The following CCDC102B variants were observed in gnomAD, a reference collection of about 807,000 sequenced individuals.
CCDC102B encodes coiled-coil domain-containing protein 102B.
In CCDC102B, 75 loss-of-function variants were observed where a neutral mutation model predicts 57.4. The ratio of observed to expected loss-of-function variants is 1.31; its 90% confidence interval spans 1.08 to 1.58. The LOEUF (loss-of-function observed/expected upper bound fraction) is 1.58, where lower values mean the gene tolerates loss of function less well. Ranked by LOEUF, CCDC102B falls within the 40% of genes most tolerant of loss-of-function variation. CCDC102B has a pLI of 0.00. For missense variants in CCDC102B, 636 were observed against 582.6 expected, an observed-to-expected ratio of 1.09 and a Z score of -0.94; for synonymous variants, 206 against 201.9, an observed-to-expected ratio of 1.02 and a Z score of -0.17.
At chr18:68,967,396 T>A (rs2050191360) in intron 6 of CCDC102B, among the ~76,000 whole-genome samples, 1 of 152,166 alleles carries the variant, frequency 6.6e-6, no homozygotes, top group Admixed American at 6.5e-5. Flanking sequence ...TTTTAAATAA[T>A]ATGTTTCAAG....
At chr18:68,880,073 C>T (rs1482619514) in intron 5 of CCDC102B, among the ~76,000 whole-genome samples, 1 of 152,146 alleles carries the variant, frequency 6.6e-6, no homozygotes, top group Non-Finnish European at 1.5e-5. Context: ...AGGCTTGGGC[C>T]CCACGGGAGC....
chr18:68,734,089 A>G (rs1195586871), intron 2 of CCDC102B, among the ~76,000 whole-genome samples: 1 of 152,266 alleles, frequency 6.6e-6, no homozygotes. Context: ...AGCTTCTAGA[A>G]TAATATCTTT....
At chr18:68,862,322 C>T (rs1032040063) in intron 4 of CCDC102B, among the ~76,000 whole-genome samples, 1 of 152,054 alleles carries the variant, frequency 6.6e-6, no homozygotes, top group Non-Finnish European at 1.5e-5. Context: ...CAAAAATCAG[C>T]CATCAGCTAA....
intron 1 of CCDC102B, among the ~76,000 whole-genome samples, chr18:68,832,697 A>T (rs930860568): frequency 1.3e-5 from 2 of 152,026 alleles, no homozygotes; most frequent in Non-Finnish European, 2.9e-5. Flanking sequence ...GGGATCTAGA[A>T]TTCTCAGATC....
intron 2 of CCDC102B, among the ~76,000 whole-genome samples, chr18:68,717,299 T>A (rs2032080364): frequency 6.6e-6 from 1 of 152,190 alleles, no homozygotes; most frequent in African/African-American, 2.4e-5. Flanking sequence ...TGTAATGAGA[T>A]GTACTATAAA....
intron 2 of CCDC102B, among the ~76,000 whole-genome samples, chr18:68,757,839 A>T (rs1245799311): frequency 6.6e-6 from 1 of 152,188 alleles, no homozygotes; most frequent in Admixed American, 6.5e-5. Context: ...CTCTGTCCCC[A>T]AAGTCAGTGC....
chr18:68,940,897 A>G (rs141767215), intron 6 of CCDC102B, among the ~76,000 whole-genome samples: 2,460 of 151,974 alleles, frequency 0.016, 89 homozygotes, highest in African/African-American at 0.055. Context: ...CAAAAAAAGT[A>G]AACTAACCTC....
intron 4 of CCDC102B, among the ~76,000 whole-genome samples, chr18:68,864,152 T>C (rs1258324506): frequency 6.6e-6 from 1 of 152,056 alleles, no homozygotes. Context: ...GAAACCCTTT[T>C]TAATCTATCT....
At chr18:68,741,713 A>ACACACACACACACACACACC (rs1393809459) in intron 2 of CCDC102B, among the ~76,000 whole-genome samples, 2 of 97,650 alleles carry the variant, frequency 2.0e-5, no homozygotes, top group African/African-American at 4.3e-5. Context: ...ACACACACAC[A>ACACACACACACACACACACC]CCCCAAGACA....
chr18:69,045,037 C>T (rs1169848001), intron 7 of CCDC102B, among the ~76,000 whole-genome samples: 1 of 152,026 alleles, frequency 6.6e-6, no homozygotes, highest in Non-Finnish European at 1.5e-5. Flanking sequence ...CTCCTGTGAT[C>T]TCTTTCTCTT....
chr18:68,834,765 A>G (rs2037294111), intron 1 of CCDC102B, among the ~76,000 whole-genome samples: 1 of 151,886 alleles, frequency 6.6e-6, no homozygotes, highest in Non-Finnish European at 1.5e-5. Context: ...TATAAGGTCT[A>G]TTAATAAGAT....
chr18:69,010,502 A>C (rs2051485058), intron 6 of CCDC102B, among the ~76,000 whole-genome samples: 1 of 152,094 alleles, frequency 6.6e-6, no homozygotes, highest in Non-Finnish European at 1.5e-5. Context: ...TAACAACATG[A>C]CTACAGCCTC....
intron 5 of CCDC102B, among the ~76,000 whole-genome samples, chr18:68,887,665 T>C (rs1251373256): frequency 6.6e-6 from 1 of 152,248 alleles, no homozygotes; most frequent in Non-Finnish European, 1.5e-5. Flanking sequence ...AGGCCACAGA[T>C]GTGAATCTTC....
intron 2 of CCDC102B, chr18:68,754,778 C>A (rs1041383905): frequency 6.6e-6 from 1 of 152,106 alleles, no homozygotes; most frequent in Non-Finnish European, 1.5e-5. Flanking sequence ...GAAGCTGGAG[C>A]CATTGGTACG....
chr18:68,836,922 T>C lies in CCDC102B; in HGVS notation c.159T>C (p.Ala53=). 1.9e-6 allele frequency: 3 copies of C among 1,614,194 alleles called. No homozygotes were observed. The highest frequency in any genetic ancestry group is 2.5e-6 in the Non-Finnish European group (3 of 1,180,036). ...CFPLHGLQSH[A]AHNFCAHSYN... Reference sequence around the variant, plus strand: ...CACTTCATGGGCTACAATCTCATGCTGCTCACAATTTCTGTGCTCACTCAT... The same window carrying C: ...CACTTCATGGGCTACAATCTCATGCCGCTCACAATTTCTGTGCTCACTCAT... The change falls in exon 2 of 8, where the codon GCT becomes GCC. Residue 53 remains alanine, a synonymous_variant. Transcript: ENST00000360242.
intron 7 of CCDC102B, among the ~76,000 whole-genome samples, chr18:69,031,976 A>G (rs2052159362): frequency 6.7e-6 from 1 of 149,940 alleles, no homozygotes; most frequent in Non-Finnish European, 1.5e-5. Flanking sequence ...TTTTTTTTAC[A>G]TTTTTTTTTC....
chr18:68,946,183 A>G (rs2049533259), intron 6 of CCDC102B, among the ~76,000 whole-genome samples: 1 of 152,076 alleles, frequency 6.6e-6, no homozygotes, highest in Non-Finnish European at 1.5e-5. Context: ...ATCTAGTTAC[A>G]TATTTATTTA....
rs149245107 is a variant in CCDC102B, at chr18:69,037,283, C to T, written c.1435-16747C>T. ...ATGTACAAACACATCCATATACACA[C>T]ACACATCCCATGTATATCACATTTA... On this transcript the variant is annotated intron_variant, in intron 7 of 7. Coordinates refer to ENST00000360242, the MANE Select transcript of CCDC102B (RefSeq NM_024781.3). Among the ~76,000 whole-genome samples the T allele has an allele frequency of 2.2e-3, 339 of 152,110 alleles. 4 individuals carry two copies. The highest frequency in any genetic ancestry group is 1.5e-3 in the East Asian group (8 of 5,168).
chr18:68,824,927 G>A (rs796848895), intron 1 of CCDC102B, among the ~76,000 whole-genome samples: 10 of 152,204 alleles, frequency 6.6e-5, no homozygotes, highest in African/African-American at 2.4e-4. Flanking sequence ...AACTGGAAAG[G>A]CATAGAGAGA....
Sources: gnomAD v4.1 joint callset for allele counts (sites outside exome capture counted in the v4.1 genomes callset) on GRCh38, gnomAD v4.1.1 for gene constraint, MANE v1.5 for transcripts, NCBI Gene and HGNC (gene_info 2026-07-23, HGNC 2026-07-21) for gene names.